Variants in SLC2A5 observed in about 807,000 individuals in gnomAD.
The protein encoded by SLC2A5 is solute carrier family 2, facilitated glucose transporter member 5.
SLC2A5 carries 56 observed loss-of-function variants against 50.3 expected under a neutral mutation model. The ratio of observed to expected loss-of-function variants is 1.11; its 90% CI spans 0.90 to 1.39. SLC2A5 has a LOEUF of 1.39. Among genes scored for constraint, SLC2A5 ranks in the 40% most tolerant of loss-of-function variants. SLC2A5 has a pLI of 0.00. For missense variants in SLC2A5, 566 were observed against 650.1 expected, an observed-to-expected ratio of 0.87 and a Z score of 1.41; for synonymous variants, 269 against 281.9, an observed-to-expected ratio of 0.95 and a Z score of 0.46.
At chr1:9,047,875 G>C (rs1468941470) in intron 3 of SLC2A5, 141 bp from the exon 4 acceptor site, 1 of 820,672 alleles carries the variant, frequency 1.2e-6, no homozygotes, top group African/African-American at 1.7e-5. Flanking sequence ...TGGGACCTGA[G>C]ACTGATACAG....
chr1:9,079,454 C>T (rs188071934), intron 2 of SLC2A5, among the ~76,000 whole-genome samples: 12 of 152,222 alleles, frequency 7.9e-5, no homozygotes, highest in Admixed American at 6.5e-4. Flanking sequence ...TACACATTAC[C>T]CTGGATAGAC....
intron 8 of SLC2A5, 99 bp from the exon 9 acceptor site, chr1:9,039,028 G>A (rs1387298937): frequency 7.1e-7 from 1 of 1,399,964 alleles, no homozygotes; most frequent in African/African-American, 1.4e-5. Flanking sequence ...GGCGGACCGG[G>A]TGCCCACCCA....
At chr1:9,054,626 T>G (rs1641704998) in intron 3 of SLC2A5, among the ~76,000 whole-genome samples, 1 of 152,170 alleles carries the variant, frequency 6.6e-6, no homozygotes, top group African/African-American at 2.4e-5. Flanking sequence ...TGAAATAAAT[T>G]TTAAAAATAT....
intron 4 of SLC2A5, among the ~76,000 whole-genome samples, chr1:9,042,356 T>C (rs1641324445): frequency 6.6e-6 from 1 of 151,940 alleles, no homozygotes; most frequent in Non-Finnish European, 1.5e-5. Context: ...GGGTCAGGAG[T>C]TTGAGACCAG....
intron 10 of SLC2A5, among the ~76,000 whole-genome samples, 186 bp downstream of exon 10, chr1:9,038,245 C>T (rs931986371): frequency 6.6e-6 from 1 of 152,198 alleles, no homozygotes; most frequent in Non-Finnish European, 1.5e-5. Context: ...CTGTGTGTTC[C>T]CACCCACACC....
At chr1:9,058,278 A>G in intron 1 of SLC2A5, 28 bp from the exon 2 acceptor site, 1 of 1,557,446 alleles carries the variant, frequency 6.4e-7, no homozygotes, top group East Asian at 2.2e-5. Flanking sequence ...TAGGTCAGGA[A>G]GCAGCCCCAG....
At chr1:9,087,201 C>G (rs988842060) in intron 1 of SLC2A5, among the ~76,000 whole-genome samples, 2 of 146,684 alleles carry the variant, frequency 1.4e-5, no homozygotes, top group Admixed American at 1.4e-4. Flanking sequence ...GTGTTTCTTA[C>G]TTCTTTCTTT....
intron 3 of SLC2A5, chr1:9,049,085 C>T (rs1466717411): frequency 2.2e-6 from 1 of 454,208 alleles, no homozygotes; most frequent in Non-Finnish European, 4.4e-6. Context: ...CCATTGAAGT[C>T]AGGAACAAGC....
intron 2 of SLC2A5, among the ~76,000 whole-genome samples, chr1:9,076,795 G>GT (rs987502795): frequency 0.013 from 1,937 of 144,202 alleles, 41 homozygotes; most frequent in African/African-American, 0.041. Context: ...TGTTTTTTTT[G>GT]TTTTTTTTTT....
In SLC2A5 at chr1:9,040,134, CAGA is replaced by C; in HGVS notation, c.624_626del (p.Leu210del). ...TGGGGCTCTCGGGGAAGAAGGGCAG[CAGA>C]AGGAGCTGCAGCGCCGCGGGGACCC... is the stretch of plus-strand genomic sequence containing the variant. On this transcript the variant is annotated inframe_deletion, in exon 6 of 12. Coordinates refer to ENST00000377424, the MANE Select transcript of SLC2A5 (RefSeq NM_003039.3). This position sits in a 1 kb window ranked among gnomAD's most constrained non-coding sequence, Gnocchi z 4.3. 6.3e-7 allele frequency: 1 copy of C among 1,592,290 alleles called. No homozygotes were observed. Among genetic ancestry groups the C allele is most frequent in the African/African-American group, 1.3e-5 (1 of 74,538 alleles).
At chr1:9,092,668 C>T (rs1226283984), upstream of SLC2A5, among the ~76,000 whole-genome samples, 9 of 152,152 alleles carry the variant, frequency 5.9e-5, no homozygotes, top group South Asian at 4.1e-4. Flanking sequence ...AACAAACAAA[C>T]GAGCTTCTAC....
At chr1:9,081,776 A>G (rs1642356061) in intron 2 of SLC2A5, among the ~76,000 whole-genome samples, 1 of 152,184 alleles carries the variant, frequency 6.6e-6, no homozygotes, top group Non-Finnish European at 1.5e-5. Context: ...ACTTAAAAAA[A>G]AAGGGAAATT....
At chr1:9,061,810 C>T (rs1363426158) in intron 1 of SLC2A5, among the ~76,000 whole-genome samples, 1 of 152,088 alleles carries the variant, frequency 6.6e-6, no homozygotes, top group Non-Finnish European at 1.5e-5. Context: ...TGGCTGGTTC[C>T]CAGGGCTCAT....
At chr1:9,070,419 G>A (rs752009235), upstream of SLC2A5, among the ~76,000 whole-genome samples, 1 of 151,982 alleles carries the variant, frequency 6.6e-6, no homozygotes, top group Non-Finnish European at 1.5e-5. Flanking sequence ...ATGACCTAGG[G>A]ATGTTACTTT....
chr1:9,069,465 A>C (rs1375274770), intron 1 of SLC2A5, 39 bp downstream of exon 1: 1 of 1,612,052 alleles, frequency 6.2e-7, no homozygotes. Flanking sequence ...CTGGCAGCCA[A>C]GCCTGCTCTT....
rs1442308563 is a variant in SLC2A5, at chr1:9,040,015, G to C, written c.698-28C>G. 1 of 1,592,908 alleles carries C rather than the reference G, an allele frequency of 6.3e-7. No homozygotes were observed. The highest frequency in any genetic ancestry group is 1.3e-5 in the African/African-American group (1 of 74,328). On this transcript the variant is annotated intron_variant, in intron 6 of 11. Transcript: ENST00000377424. The surrounding 1 kb of genome is among the most constrained non-coding windows in gnomAD (Gnocchi z 4.3). ...GGGGAGAAGCGGCACCGTCGGACCA[G>C]GGCTGGGGAGCAGAACCTGGAGGCC...
chr1:9,038,429 A>G lies in SLC2A5; in HGVS notation c.1174+2T>C, dbSNP rs1267818074. 2 of 1,611,476 alleles carry G rather than the reference A, an allele frequency of 1.2e-6. No individual in the cohort carries two copies. Among genetic ancestry groups the G allele is most frequent in the East Asian group, 2.2e-5 (1 of 44,844 alleles). On this transcript the variant is annotated splice_donor_variant, in intron 10 of 11. Coordinates refer to ENST00000377424, the MANE Select transcript of SLC2A5 (RefSeq NM_003039.3). LOFTEE classifies it high-confidence loss of function. ...ACCCTGAGGCCAGCTTTGGGTACGT[A>G]CTGGGCCCGAGGGCATGTCCTATGA...
upstream of SLC2A5, among the ~76,000 whole-genome samples, chr1:9,093,064 G>A (rs534366053): frequency 3.9e-5 from 6 of 152,040 alleles, no homozygotes; most frequent in East Asian, 3.9e-4. Flanking sequence ...AACCCCTCTC[G>A]TTTCCCCTCT....
chr1:9,077,398 C>CA (rs555910845), intron 2 of SLC2A5, among the ~76,000 whole-genome samples: 1,129 of 69,896 alleles, frequency 0.016, 17 homozygotes, highest in South Asian at 0.076. Context: ...AAACCTGTCT[C>CA]AAAAAAAAAA....
Sources: gnomAD v4.1 joint callset for allele counts (sites outside exome capture counted in the v4.1 genomes callset) on GRCh38, gnomAD v4.1.1 for gene constraint, Gnocchi (gnomAD v3.1) non-coding constraint, MANE v1.5 for transcripts, NCBI Gene and HGNC (gene_info 2026-07-23, HGNC 2026-07-21) for gene names.